The following KCNH4 variants were observed in gnomAD, a reference collection of about 807,000 sequenced individuals.
KCNH4 encodes the protein voltage-gated delayed rectifier potassium channel KCNH4.
In KCNH4, 33 loss-of-function variants were observed where a neutral mutation model predicts 90.7. The ratio of observed to expected loss-of-function variants is 0.36; its 90% confidence interval spans 0.28 to 0.49. The LOEUF (loss-of-function observed/expected upper bound fraction) is 0.49. Among genes scored for constraint, KCNH4 ranks in the 20% least tolerant of loss-of-function variants. The pLI, the probability that KCNH4 is intolerant of heterozygous loss-of-function variation, is 0.98. For missense variants in KCNH4, 1,044 were observed against 1,387.1 expected (o/e 0.75, Z 3.93); for synonymous variants, 551 against 581.7 (o/e 0.95, Z 0.76).
Position 42,180,449 on chromosome 17 carries a change from C to T in KCNH4, c.76+421G>A, listed in dbSNP as rs886588079. Among the ~76,000 whole-genome samples the T allele has an allele frequency of 6.6e-6, 1 of 152,112 alleles. No homozygotes were observed. The highest frequency in any genetic ancestry group is 1.5e-5 in the Non-Finnish European group (1 of 68,020). On this transcript the variant is annotated intron_variant, in intron 1 of 16. Transcript: ENST00000264661. The surrounding 1 kb of genome is among the most constrained non-coding windows in gnomAD (Gnocchi z 4.7). ...AATCCAAACTAGGTCCTGCTGAAGT[C>T]TGATCTTTTCTCCTTTTTTTCTGGA...
At chr17:42,169,394 G>A (rs943661688) in intron 9 of KCNH4, 83 bp downstream of exon 9, 2 of 1,308,302 alleles carry the variant, frequency 1.5e-6, no homozygotes, top group Non-Finnish European at 2.2e-6. Context: ...TCCATTTTAA[G>A]CTACAGGGGC....
At chr17:42,176,010 C>T (rs1398853540) in intron 5 of KCNH4, 44 bp downstream of exon 5, 3 of 1,555,114 alleles carry the variant, frequency 1.9e-6, no homozygotes, top group South Asian at 2.5e-5. Flanking sequence ...CCAAGTGGAT[C>T]CCCCCAGCCG....
chr17:42,168,847 C>T (rs974577648), intron 9 of KCNH4, among the ~76,000 whole-genome samples: 2 of 151,754 alleles, frequency 1.3e-5, no homozygotes, highest in African/African-American at 2.4e-5. Context: ...TTTCGGCTCA[C>T]TGCAAGCTCC....
rs900011084 is a variant in KCNH4 at position 42,163,165 on chromosome 17, G to A, written c.2584+63C>T. ...ACATGGTAGGCCCCTACTACATATG[G>A]GATGGATGGACAGGTGGATGGGCAG... On this transcript the variant is annotated intron_variant, in intron 14 of 16. Coordinates refer to ENST00000264661, the MANE Select transcript of KCNH4 (RefSeq NM_012285.3). The surrounding 1 kb of genome is among the most constrained non-coding windows in gnomAD (Gnocchi z 5.4). 1 of 1,143,292 alleles carries A rather than the reference G, an allele frequency of 8.7e-7. No homozygotes were observed. Among genetic ancestry groups the A allele is most frequent in the Admixed American group, 1.7e-5 (1 of 59,082 alleles). 70.8% of individuals were successfully genotyped at this position (1,143,292 alleles called of 1,614,324 possible).
chr17:42,168,331 T>G (rs1191497735), intron 9 of KCNH4, among the ~76,000 whole-genome samples: 1 of 152,170 alleles, frequency 6.6e-6, no homozygotes, highest in African/African-American at 2.4e-5. Flanking sequence ...AGCTCTTTCA[T>G]TCCCTTATTC....
chr17:42,165,284 C>T (rs1403693561), intron 11 of KCNH4, among the ~76,000 whole-genome samples, 165 bp downstream of exon 11: 1 of 151,808 alleles, frequency 6.6e-6, no homozygotes, highest in Non-Finnish European at 1.5e-5. Flanking sequence ...GTAGTGTCAG[C>T]GGGGTTGGAA....
chr17:42,175,513 C>T, intron 6 of KCNH4, 66 bp downstream of exon 6: 2 of 1,586,212 alleles, frequency 1.3e-6, no homozygotes, highest in Non-Finnish European at 8.7e-7. Context: ...GGGGTCAGTC[C>T]CTTCCTGGAA....
intron 6 of KCNH4, among the ~76,000 whole-genome samples, chr17:42,174,686 G>T (rs2079849981): frequency 6.6e-6 from 1 of 152,076 alleles, no homozygotes; most frequent in Non-Finnish European, 1.5e-5. Context: ...AAGGGGGCCT[G>T]GGGACACGGG....
In KCNH4 at chr17:42,178,847, C is replaced by A; in HGVS notation, c.256G>T (p.Ala86Ser). 6.2e-7 allele frequency: 1 copy of A among 1,614,150 alleles called. No individual in the cohort carries two copies. Among genetic ancestry groups the A allele is most frequent in the Non-Finnish European group, 8.5e-7 (1 of 1,180,040 alleles). The change falls in exon 2 of 17, where the codon GCC becomes TCC. Residue 86 changes from alanine (A) to serine (S), a missense_variant. Coordinates refer to ENST00000264661, the MANE Select transcript of KCNH4 (RefSeq NM_012285.3). ...SEPALQRLHK[A>S]LEGHQEHRAE... The stretch of plus-strand genomic sequence containing the variant: ...CGGTGCTCCTGGTGGCCCTCCAGGG[C>A]TTTGTGCAGACGCTGCAGGGCTGGC...
intron 4 of KCNH4, 37 bp from the exon 5 acceptor site, chr17:42,176,334 G>T: frequency 6.3e-7 from 1 of 1,583,796 alleles, no homozygotes. Context: ...GACACTTGAG[G>T]GAAAGAGGAG....
At chr17:42,179,895 T>C (rs1013611487) in intron 1 of KCNH4, among the ~76,000 whole-genome samples, 5 of 152,202 alleles carry the variant, frequency 3.3e-5, no homozygotes, top group Admixed American at 1.3e-4. Context: ...GGGGGACTCC[T>C]GTGGGCCATC....
At position 42,160,219 on chromosome 17, in the gene KCNH4, G is replaced by A; in HGVS notation, c.2875C>T (p.Pro959Ser). Residue 959 changes from proline (P) to serine (S), a missense_variant, in exon 16 of 17, where the codon CCA becomes TCA. Physicochemically the swap from Pro to Ser is moderately conservative, Grantham distance 74. Transcript: ENST00000264661. Reference protein sequence around the residue: ...QDTTLAEVHCPASVGTMETGT... With the variant: ...QDTTLAEVHCSASVGTMETGT... ...GTCTCCATGGTCCCCACACTGGCTGGGCAGTGAACTTCAGCAAGCGTAGTA... is the reference window on the plus strand; with the variant it reads ...GTCTCCATGGTCCCCACACTGGCTGAGCAGTGAACTTCAGCAAGCGTAGTA... The A allele has an allele frequency of 6.2e-7, 1 of 1,614,042 alleles. No homozygotes were observed. The highest frequency in any genetic ancestry group is 1.1e-5 in the South Asian group (1 of 91,084).
chr17:42,162,152 G>A, intron 15 of KCNH4, 96 bp downstream of exon 15: 1 of 1,019,974 alleles, frequency 9.8e-7, no homozygotes. Flanking sequence ...CATCATGTTG[G>A]CCAGGCTGGT....
chr17:42,168,124 G>A (rs1048926150), intron 9 of KCNH4, among the ~76,000 whole-genome samples: 4 of 152,198 alleles, frequency 2.6e-5, no homozygotes, highest in Admixed American at 6.5e-5. Context: ...TGAAGGCACC[G>A]ACATCCCTCC....
In KCNH4 at chr17:42,169,694, G is replaced by A; in HGVS notation, c.1391-18C>T. 1 of 1,610,224 alleles carries A rather than the reference G, an allele frequency of 6.2e-7. No individual in the cohort carries two copies. The highest frequency in any genetic ancestry group is 1.1e-5 in the South Asian group (1 of 90,996). On this transcript the variant is annotated intron_variant, in intron 8 of 16. Transcript: ENST00000264661. ...CATCAGGGCTGCAGCAGCAGCAGCG[G>A]GCCTGTCAGGGGCGGCCACCCCTCT...
chr17:42,162,184 G>A (rs1251883961), intron 15 of KCNH4, 64 bp downstream of exon 15: 1 of 1,425,938 alleles, frequency 7.0e-7, no homozygotes, highest in African/African-American at 1.4e-5. Flanking sequence ...GACCTCAAGT[G>A]AGCCACGTGT....
At position 42,159,820 on chromosome 17, in the gene KCNH4, C is replaced by A. The variant is rs775392027; in HGVS notation, c.*220G>T. On this transcript the variant is annotated 3_prime_UTR_variant, in exon 16 of 17. Coordinates refer to ENST00000264661, the MANE Select transcript of KCNH4 (RefSeq NM_012285.3). Reference sequence around the variant, plus strand: ...ATCTCATGCCTGCTGGGTTCCACAGCCCTCAGGTGGCTCCCCTCACAGAGG... The same window carrying A: ...ATCTCATGCCTGCTGGGTTCCACAGACCTCAGGTGGCTCCCCTCACAGAGG... The A allele has an allele frequency of 1.4e-5, 6 of 414,634 alleles. No individual in the cohort carries two copies. The highest frequency in any genetic ancestry group is 2.5e-5 in the Non-Finnish European group (6 of 235,410). 25.7% of individuals were successfully genotyped at this position (414,634 alleles called of 1,614,324 possible).
In KCNH4 at chr17:42,163,861, C is replaced by A; in HGVS notation, c.2222G>T (p.Arg741Leu). The A allele has an allele frequency of 6.6e-7, 1 of 1,513,126 alleles. No homozygotes were observed. Among genetic ancestry groups the A allele is most frequent in the Admixed American group, 2.3e-5 (1 of 44,268 alleles). The allele number at this position is 1,513,126 out of a possible 1,614,324, so 93.7% of individuals were successfully genotyped here. Residue 741 changes from arginine (R) to leucine (L), a missense_variant, in exon 13 of 17, where the codon CGA becomes CTA. This residue lies in a region of KCNH4 where 441 missense variants were observed against 512.3 expected (regional missense o/e 0.86). Coordinates refer to ENST00000264661, the MANE Select transcript of KCNH4 (RefSeq NM_012285.3). The surrounding 1 kb of genome is among the most constrained non-coding windows in gnomAD (Gnocchi z 5.4). ...GAGGTTGGGCAGCAGGAGGGGCCGT[C>A]GGGGCCTGGGACCACCCCCAGGCTC... is the stretch of plus-strand genomic sequence containing the variant. ...GAEPGGGPRP[R>L]RPLLLPNLSP...
rs1177535033 is a variant in KCNH4 at position 42,160,429 on chromosome 17, G to A, written c.2665C>T (p.Arg889Cys). Reference protein sequence around the residue: ...KVCRLNQEISRLNQEVSQLSR... With the variant: ...KVCRLNQEISCLNQEVSQLSR... ...AGCTGAGACACCTCCTGATTGAGAC[G>A]AGAGATCTGTTGAAAACACATCGAG... Residue 889 changes from arginine (R) to cysteine (C), a missense_variant, in exon 16 of 17, where the codon CGT becomes TGT. By Grantham distance (180) the Arg-to-Cys change is radical. Transcript: ENST00000264661. 2 of 1,597,434 alleles carry A rather than the reference G, an allele frequency of 1.3e-6. No individual in the cohort carries two copies. The highest frequency in any genetic ancestry group is 1.7e-6 in the Non-Finnish European group (2 of 1,168,958).
Sources: allele counts gnomAD v4.1 joint callset (sites outside exome capture counted in the v4.1 genomes callset), GRCh38; gene constraint gnomAD v4.1.1; regional missense constraint gnomAD v4.1.1; non-coding constraint Gnocchi (gnomAD v3.1); transcripts MANE v1.5; gene names NCBI Gene and HGNC (gene_info 2026-07-23, HGNC 2026-07-21).